The following TCF12 variants were observed in gnomAD, a reference collection of about 807,000 sequenced individuals.
The protein encoded by TCF12 is transcription factor 12.
Under a neutral mutation model 86.0 loss-of-function variants are expected in TCF12, and 45 were observed. The ratio of observed to expected loss-of-function variants is 0.52; its 90% CI spans 0.41 to 0.67. The LOEUF (loss-of-function observed/expected upper bound fraction) is 0.67. Among genes scored for constraint, TCF12 ranks in the 30% least tolerant of loss-of-function variants. The probability of loss-of-function intolerance (pLI) is 0.00; values close to 1 mark genes in which losing one functional copy is unlikely to be tolerated. For missense variants in TCF12, 881 were observed against 859.9 expected, an observed-to-expected ratio of 1.02 and a Z score of -0.31; for synonymous variants, 330 against 299.6, an observed-to-expected ratio of 1.10 and a Z score of -1.05.
At chr15:56,999,728 G>T (rs2063912622) in intron 3 of TCF12, among the ~76,000 whole-genome samples, 1 of 152,086 alleles carries the variant, frequency 6.6e-6, no homozygotes, top group East Asian at 1.9e-4. Context: ...ACAAAAATTA[G>T]CTGGGCGTGG....
chr15:57,242,144 G>C (rs189597231), intron 12 of TCF12, among the ~76,000 whole-genome samples: 181 of 151,984 alleles, frequency 1.2e-3, no homozygotes, highest in African/African-American at 4.2e-3. Flanking sequence ...CTGTAAATTG[G>C]GTCTCTTTAA....
chr15:57,124,290 GT>G (rs1429572577), intron 5 of TCF12, among the ~76,000 whole-genome samples: 3 of 151,990 alleles, frequency 2.0e-5, no homozygotes, highest in African/African-American at 7.2e-5. Flanking sequence ...TTCATTTCCT[GT>G]TACTTGATTT....
chr15:56,929,188 A>G (rs1228536823), intron 3 of TCF12, among the ~76,000 whole-genome samples: 2 of 152,146 alleles, frequency 1.3e-5, no homozygotes, highest in Non-Finnish European at 2.9e-5. Flanking sequence ...GTCAGGGTGG[A>G]ATGGAATGCT....
chr15:57,197,558 A>G (rs2057334379), intron 7 of TCF12, among the ~76,000 whole-genome samples: 1 of 151,984 alleles, frequency 6.6e-6, no homozygotes, highest in African/African-American at 2.4e-5. Context: ...AATTTATGGG[A>G]TATGTATTTT....
chr15:56,964,502 G>GT (rs2061915454), intron 3 of TCF12, among the ~76,000 whole-genome samples: 1 of 152,080 alleles, frequency 6.6e-6, no homozygotes, highest in African/African-American at 2.4e-5. Flanking sequence ...TGCTCAAGAT[G>GT]TATCTCCTGC....
At chr15:57,018,482 A>T (rs1316319775) in intron 3 of TCF12, among the ~76,000 whole-genome samples, 16 of 150,604 alleles carry the variant, frequency 1.1e-4, no homozygotes, top group Admixed American at 6.7e-5. Flanking sequence ...TATTTTTTTG[A>T]GATGGGGCCT....
intron 3 of TCF12, among the ~76,000 whole-genome samples, chr15:57,047,418 A>G (rs1310801340): frequency 6.6e-6 from 1 of 152,250 alleles, no homozygotes; most frequent in Non-Finnish European, 1.5e-5. Flanking sequence ...GAAAGATTGA[A>G]CAAGATAAGT....
chr15:57,277,549 A>C (rs2061456262), intron 19 of TCF12, among the ~76,000 whole-genome samples: 1 of 151,474 alleles, frequency 6.6e-6, no homozygotes. Context: ...GAATCGCTTG[A>C]ACCCAGGAGG....
At chr15:57,010,120 A>G (rs1307262458) in intron 3 of TCF12, among the ~76,000 whole-genome samples, 1 of 152,100 alleles carries the variant, frequency 6.6e-6, no homozygotes, top group Non-Finnish European at 1.5e-5. Context: ...CACGCAGTAC[A>G]TGTTTTACTT....
intron 13 of TCF12, 116 bp downstream of exon 13, chr15:57,243,666 T>A (rs2059730019): frequency 1.2e-6 from 1 of 854,670 alleles, no homozygotes; most frequent in Non-Finnish European, 1.8e-6. Flanking sequence ...AGATTTTGAC[T>A]ATAAGAAAGT....
downstream of TCF12, chr15:57,289,880 T>A (rs970923640): frequency 6.6e-6 from 1 of 152,196 alleles, no homozygotes; most frequent in Non-Finnish European, 1.5e-5. Flanking sequence ...TCTTCAGCCA[T>A]CCTGTCAGAG....
intron 5 of TCF12, among the ~76,000 whole-genome samples, chr15:57,138,545 AC>A (rs1275273856): frequency 1.3e-3 from 1 of 788 alleles, no homozygotes. Flanking sequence ...TTCCTATCTA[AC>A]CGAAAGGAAA....
intron 3 of TCF12, among the ~76,000 whole-genome samples, chr15:56,939,047 C>A (rs1178556873): frequency 2.6e-5 from 4 of 152,190 alleles, no homozygotes; most frequent in African/African-American, 9.6e-5. Flanking sequence ...GGTCTCTCCT[C>A]ACCTGACCTC....
At chr15:57,219,091 T>A in intron 8 of TCF12, 1 of 1,057,114 alleles carries the variant, frequency 9.5e-7, no homozygotes, top group Non-Finnish European at 1.1e-6. Context: ...TAGGTTTCTC[T>A]GCCACAAGTG....
rs1187052439 is a variant in TCF12, at chr15:57,137,821, GT to G, written c.326-28579del. Reference sequence around the variant, plus strand: ...AGGCTGGCGGATCACGAGATCAGGAGTTCGAAACCAGCCTGGCCAACCTGGT... The same window carrying G: ...AGGCTGGCGGATCACGAGATCAGGAGTCGAAACCAGCCTGGCCAACCTGGT... On this transcript the variant is annotated intron_variant, in intron 5 of 20. Coordinates refer to ENST00000333725, the MANE Select transcript of TCF12 (RefSeq NM_207037.2). Among the ~76,000 whole-genome samples the G allele has an allele frequency of 1.8e-4, 27 of 152,248 alleles. No homozygotes were observed. The East Asian group carries it at 5.2e-3, about 29-fold the overall frequency.
intron 3 of TCF12, among the ~76,000 whole-genome samples, 152 bp from the exon 4 acceptor site, chr15:57,063,596 CTT>C (rs1176075801): frequency 6.6e-6 from 1 of 152,126 alleles, no homozygotes; most frequent in African/African-American, 2.4e-5. Flanking sequence ...TTTGCAGTAA[CTT>C]ATATTTTACA....
At chr15:56,961,072 A>G (rs1166240582) in intron 3 of TCF12, among the ~76,000 whole-genome samples, 1 of 150,406 alleles carries the variant, frequency 6.6e-6, no homozygotes, top group African/African-American at 2.4e-5. Flanking sequence ...CCTGGGAGGC[A>G]GAGGTTGCAG....
At chr15:57,156,465 G>A (rs571400971) in intron 5 of TCF12, among the ~76,000 whole-genome samples, 17 of 152,194 alleles carry the variant, frequency 1.1e-4, no homozygotes, top group Non-Finnish European at 1.9e-4. Flanking sequence ...CCGTTGGCCT[G>A]TTTATGACCA....
chr15:57,093,342 A>G (rs1204280033), intron 5 of TCF12, among the ~76,000 whole-genome samples: 2 of 152,220 alleles, frequency 1.3e-5, no homozygotes, highest in African/African-American at 4.8e-5. Context: ...TTTAATTTAT[A>G]TTAAGTGTAG....
Sources: gnomAD v4.1 joint callset for allele counts (sites outside exome capture counted in the v4.1 genomes callset) on GRCh38, gnomAD v4.1.1 for gene constraint, MANE v1.5 for transcripts, NCBI Gene and HGNC (gene_info 2026-07-23, HGNC 2026-07-21) for gene names.